Variants in PTAFR observed in about 807,000 individuals in gnomAD.
The protein encoded by PTAFR is platelet activating factor receptor.
In PTAFR, 8 loss-of-function variants were observed where a neutral mutation model predicts 14.7. The ratio of observed to expected loss-of-function variants is 0.54; its 90% confidence interval spans 0.32 to 0.98. The LOEUF is 0.98. Ranked by LOEUF, PTAFR falls within the 50% of genes least tolerant of loss-of-function variation. The probability of loss-of-function intolerance (pLI) is 0.04; values close to 1 mark genes in which losing one functional copy is unlikely to be tolerated. For synonymous variants in PTAFR, 156 were observed against 176.5 expected (o/e 0.88, Z 0.92); for missense variants, 337 against 451.2 (o/e 0.75, Z 2.29).
intron 1 of PTAFR, among the ~76,000 whole-genome samples, chr1:28,170,739 G>A (rs1427838492): frequency 4.0e-5 from 6 of 149,620 alleles, no homozygotes; most frequent in African/African-American, 1.2e-4. Flanking sequence ...GGTGGCTCAC[G>A]CCTGTAATCC....
intron 1 of PTAFR, among the ~76,000 whole-genome samples, chr1:28,153,234 A>G (rs576365114): frequency 3.3e-4 from 51 of 152,304 alleles, no homozygotes; most frequent in African/African-American, 1.2e-3. Flanking sequence ...AGCCTAGACA[A>G]CATAGTGAGA....
Position 28,150,589 on chromosome 1 carries a change from T to A in PTAFR, c.433A>T (p.Ile145Phe), listed in dbSNP as rs370939569. 431 of 1,614,022 alleles carry A rather than the reference T, an allele frequency of 2.7e-4. No individual in the cohort carries two copies. Among genetic ancestry groups the A allele is most frequent in the Non-Finnish European group, 3.6e-4 (423 of 1,180,026 alleles). ...ISLSLVIWVAIVGAASYFLIL... is the reference protein window; with the variant it reads ...ISLSLVIWVAFVGAASYFLIL... ...AGGAAGTAGGATGCAGCTCCCACAA[T>A]GGCCACCCAGATGACCAAGGACAAA... Residue 145 changes from isoleucine to phenylalanine, a missense_variant, in exon 2 of 2, where the codon ATT becomes TTT. Physicochemically the swap from Ile to Phe is conservative, Grantham distance 21. Coordinates refer to ENST00000373857, the MANE Select transcript of PTAFR (RefSeq NM_000952.5). This position sits in a 1 kb window ranked among gnomAD's most constrained non-coding sequence, Gnocchi z 6.3.
At chr1:28,186,207 A>C (rs934422990) in intron 1 of PTAFR, among the ~76,000 whole-genome samples, 2 of 151,884 alleles carry the variant, frequency 1.3e-5, no homozygotes, top group African/African-American at 4.8e-5. Flanking sequence ...CTGGTCTCGA[A>C]CTCCTGACCT....
chr1:28,174,921 T>C (rs1646496390), intron 1 of PTAFR, among the ~76,000 whole-genome samples: 1 of 152,076 alleles, frequency 6.6e-6, no homozygotes, highest in Non-Finnish European at 1.5e-5. Context: ...AGTGGTTTGT[T>C]TGTTTTGTTT....
chr1:28,163,491 G>A (rs1646348451), intron 1 of PTAFR, among the ~76,000 whole-genome samples: 1 of 152,206 alleles, frequency 6.6e-6, no homozygotes, highest in Non-Finnish European at 1.5e-5. Context: ...GTACTGGGGT[G>A]GAGTGGGTTA....
intron 1 of PTAFR, among the ~76,000 whole-genome samples, chr1:28,168,697 C>T (rs754846251): frequency 6.6e-6 from 1 of 152,134 alleles, no homozygotes; most frequent in Admixed American, 6.5e-5. Context: ...GAAATGAAGT[C>T]TCACTCTGTC....
intron 1 of PTAFR, among the ~76,000 whole-genome samples, chr1:28,193,358 C>A (rs1049923070): frequency 2.6e-5 from 4 of 151,838 alleles, no homozygotes; most frequent in African/African-American, 9.7e-5. Context: ...CAATATTGTC[C>A]GTTGGTGCCC....
chr1:28,184,974 C>A (rs766999936), intron 1 of PTAFR, among the ~76,000 whole-genome samples: 11 of 152,004 alleles, frequency 7.2e-5, no homozygotes, highest in Non-Finnish European at 1.3e-4. Context: ...GTTCTCTCTG[C>A]CTGGACCACC....
rs542997162 is a variant in PTAFR at position 28,174,600 on chromosome 1, CA to C, written c.-39+1991del. Among the ~76,000 whole-genome samples the C allele has an allele frequency of 4.5e-3, 690 of 152,324 alleles. 7 individuals are homozygous for C. The highest frequency in any genetic ancestry group is 0.016 in the African/African-American group (654 of 41,576). ...GATTTTCCCAAGGTGAACACAGTGT[CA>C]GGGGCAGAGCTGGGACCAGATACTG... On this transcript the variant is annotated intron_variant, in intron 1 of 1. Transcript: ENST00000373857.
chr1:28,150,432 A>C lies in PTAFR; in HGVS notation c.590T>G (p.Leu197Arg). ...IHIFIVFSFFLVFLIILFCNL... is the reference protein window; with the variant it reads ...IHIFIVFSFFRVFLIILFCNL... ...GCAGAAGAGGATGATGAGGAAGACCAGGAAGAAGCTGAACACGATGAAGAT... is the reference window on the plus strand; with the variant it reads ...GCAGAAGAGGATGATGAGGAAGACCCGGAAGAAGCTGAACACGATGAAGAT... The change falls in exon 2 of 2, where the codon CTG (leucine) becomes CGG (arginine). Residue 197 changes from leucine (L) to arginine (R), a missense_variant. Physicochemically the swap from Leu to Arg is moderately radical, Grantham distance 102. Coordinates refer to ENST00000373857, the MANE Select transcript of PTAFR (RefSeq NM_000952.5). This position sits in a 1 kb window ranked among gnomAD's most constrained non-coding sequence, Gnocchi z 6.3. 6.2e-7 allele frequency: 1 copy of C among 1,614,128 alleles called. No homozygotes were observed. The highest frequency in any genetic ancestry group is 1.1e-5 in the South Asian group (1 of 91,072).
At chr1:28,171,480 A>C (rs1646454121) in intron 1 of PTAFR, among the ~76,000 whole-genome samples, 1 of 152,062 alleles carries the variant, frequency 6.6e-6, no homozygotes. Flanking sequence ...GGCCGTGCCG[A>C]CCACACCCTC....
rs544264175 is a variant in PTAFR, at chr1:28,193,457, G to A, written c.-39+265C>T. Reference sequence around the variant, plus strand: ...GTTGTGAAGGGATTCTGTGGGTGACGAGGATGTGTTTTGTGTGGTGTGTGA... The same window carrying A: ...GTTGTGAAGGGATTCTGTGGGTGACAAGGATGTGTTTTGTGTGGTGTGTGA... On this transcript the variant is annotated intron_variant, in intron 1 of 1. Transcript: ENST00000305392. 4.6e-5 allele frequency among the ~76,000 whole-genome samples: 7 copies of A among 152,170 alleles called. No homozygotes were observed. The East Asian group carries it at 7.7e-4, about 17-fold the overall frequency.
intron 1 of PTAFR, 148 bp downstream of exon 1, chr1:28,176,444 C>CAA (rs532299068): frequency 0.013 from 942 of 70,834 alleles, 12 homozygotes; most frequent in Non-Finnish European, 0.019. Flanking sequence ...GACCCTGTCT[C>CAA]AAAAAAAAAA....
intron 1 of PTAFR, among the ~76,000 whole-genome samples, chr1:28,165,403 CAAAAAAAAAAAAAA>C (rs36099131): frequency 2.2e-5 from 1 of 45,896 alleles, no homozygotes; most frequent in Non-Finnish European, 4.5e-5. Context: ...GACTCTGTCT[CAAAAAAAAAAAAAA>C]AAAAAAAAGG....
intron 1 of PTAFR, among the ~76,000 whole-genome samples, chr1:28,152,286 T>C (rs557817729): frequency 1.3e-5 from 2 of 152,282 alleles, no homozygotes; most frequent in Non-Finnish European, 2.9e-5. Context: ...GTTCTGTTTC[T>C]CTTCTTTTAT....
At chr1:28,155,643 T>C (rs1217007167) in intron 1 of PTAFR, among the ~76,000 whole-genome samples, 2 of 152,144 alleles carry the variant, frequency 1.3e-5, no homozygotes, top group African/African-American at 2.4e-5. Flanking sequence ...GGCAGGCAGA[T>C]TGCTGGAGCC....
chr1:28,162,206 A>C (rs991252942), intron 1 of PTAFR, among the ~76,000 whole-genome samples: 3 of 152,204 alleles, frequency 2.0e-5, no homozygotes, highest in African/African-American at 7.2e-5. Flanking sequence ...GTAGGGAGCA[A>C]GCGTGGAAAC....
chr1:28,154,047 C>T (rs1256335222), intron 1 of PTAFR, among the ~76,000 whole-genome samples: 3 of 137,934 alleles, frequency 2.2e-5, no homozygotes, highest in African/African-American at 8.2e-5. Context: ...GGGGTGAGAC[C>T]TTGTCTCAGA....
intron 1 of PTAFR, among the ~76,000 whole-genome samples, chr1:28,190,402 G>A (rs2149009802): frequency 6.6e-6 from 1 of 152,306 alleles, no homozygotes; most frequent in East Asian, 1.9e-4. Context: ...GGGTACACAG[G>A]AGGCTTCTAT....
Sources: allele counts gnomAD v4.1 joint callset (sites outside exome capture counted in the v4.1 genomes callset), GRCh38; gene constraint gnomAD v4.1.1; non-coding constraint Gnocchi (gnomAD v3.1); transcripts MANE v1.5; gene names NCBI Gene and HGNC (gene_info 2026-07-23, HGNC 2026-07-21).